Variants in CADM2 observed in about 807,000 individuals in gnomAD.
CADM2 encodes the protein cell adhesion molecule 2, also known as immunoglobulin superfamily member 4D.
CADM2 carries 12 observed loss-of-function variants against 49.8 expected under a neutral mutation model. The ratio of observed to expected loss-of-function variants is 0.24; its 90% CI spans 0.15 to 0.39. CADM2 has a LOEUF of 0.39. Among genes scored for constraint, CADM2 ranks in the 10% least tolerant of loss-of-function variants. The pLI is 1.00. For missense variants in CADM2, 378 were observed against 492.3 expected (o/e 0.77, Z 2.20); for synonymous variants, 214 against 175.4 (o/e 1.22, Z -1.74).
intron 1 of CADM2, among the ~76,000 whole-genome samples, chr3:85,325,570 C>T (rs953094075): frequency 6.6e-6 from 1 of 151,524 alleles, no homozygotes; most frequent in Non-Finnish European, 1.5e-5. Flanking sequence ...ATTAGCCAGG[C>T]GCCCAGCTAC....
chr3:85,115,630 T>G lies in CADM2; in HGVS notation c.61+155962T>G, dbSNP rs111930544. ...AACCTTTCTGAAATTCATTTTTTTC[T>G]TTGGTAAAAATCTAGGATTACAACA... On this transcript the variant is annotated intron_variant, in intron 1 of 9. Coordinates refer to ENST00000383699, the MANE Select transcript of CADM2 (RefSeq NM_001167675.2). Among the ~76,000 whole-genome samples, 1,012 of 152,292 alleles carry G rather than the reference T, an allele frequency of 6.6e-3. 8 individuals are homozygous for G. Among genetic ancestry groups the G allele is most frequent in the African/African-American group, 0.023 (954 of 41,562 alleles).
At chr3:85,449,372 A>G (rs978695701) in intron 1 of CADM2, among the ~76,000 whole-genome samples, 1 of 151,960 alleles carries the variant, frequency 6.6e-6, no homozygotes, top group East Asian at 1.9e-4. Flanking sequence ...TTTAAGTCAA[A>G]TTGCACTTGC....
intron 1 of CADM2, among the ~76,000 whole-genome samples, chr3:85,475,639 T>C (rs1164508199): frequency 6.6e-6 from 1 of 151,940 alleles, no homozygotes; most frequent in Non-Finnish European, 1.5e-5. Context: ...TCTGATTACT[T>C]GATTAAAGAC....
At chr3:85,323,400 C>T (rs899669159) in intron 1 of CADM2, among the ~76,000 whole-genome samples, 1 of 152,112 alleles carries the variant, frequency 6.6e-6, no homozygotes, top group Admixed American at 6.6e-5. Context: ...TGCAACCTGT[C>T]TGAACACTTT....
At chr3:86,053,858 TAATA>T (rs1249608247) in intron 8 of CADM2, among the ~76,000 whole-genome samples, 1 of 152,250 alleles carries the variant, frequency 6.6e-6, no homozygotes, top group East Asian at 1.9e-4. Flanking sequence ...ATAATGCTTT[TAATA>T]AATATGAACT....
chr3:85,373,800 A>G (rs2033422326), intron 1 of CADM2, among the ~76,000 whole-genome samples: 1 of 152,178 alleles, frequency 6.6e-6, no homozygotes. Flanking sequence ...TTGAAGCAAC[A>G]GCCTAAGCTG....
At chr3:85,764,723 T>G in intron 2 of CADM2, among the ~76,000 whole-genome samples, 1 of 152,076 alleles carries the variant, frequency 6.6e-6, no homozygotes, top group East Asian at 1.9e-4. Context: ...TTGTTACTCC[T>G]AAAGAAATTG....
intron 8 of CADM2, among the ~76,000 whole-genome samples, chr3:85,980,705 T>A (rs1381836869): frequency 6.6e-6 from 1 of 151,610 alleles, no homozygotes; most frequent in Non-Finnish European, 1.5e-5. Context: ...TCTACTTTGC[T>A]TTAATTTGTG....
intron 1 of CADM2, among the ~76,000 whole-genome samples, chr3:85,653,124 T>C (rs2065103206): frequency 1.3e-5 from 2 of 151,518 alleles, no homozygotes; most frequent in Admixed American, 1.3e-4. Context: ...GTCTGGGATG[T>C]GCCTGAGATT....
At chr3:85,661,937 TTGTA>T (rs2065421334) in intron 1 of CADM2, among the ~76,000 whole-genome samples, 2 of 152,112 alleles carry the variant, frequency 1.3e-5, no homozygotes, top group African/African-American at 2.4e-5. Context: ...CAAGATGCCA[TTGTA>T]TGTTATTATT....
At chr3:85,102,070 T>A (rs1318442920) in intron 1 of CADM2, among the ~76,000 whole-genome samples, 1 of 152,070 alleles carries the variant, frequency 6.6e-6, no homozygotes, top group African/African-American at 2.4e-5. Flanking sequence ...TTGTAAAAAA[T>A]AAAATAAATA....
At chr3:85,220,015 A>T (rs2042011732) in intron 1 of CADM2, among the ~76,000 whole-genome samples, 1 of 152,166 alleles carries the variant, frequency 6.6e-6, no homozygotes, top group Non-Finnish European at 1.5e-5. Context: ...GATAAAATTA[A>T]AAATTGTGTA....
intron 1 of CADM2, among the ~76,000 whole-genome samples, chr3:85,284,872 C>G (rs1380602863): frequency 1.3e-5 from 2 of 151,914 alleles, no homozygotes; most frequent in East Asian, 3.9e-4. Context: ...TAAAAAAGAT[C>G]TGGCAAGTTG....
At position 84,975,459 on chromosome 3, in the gene CADM2, C is replaced by A. The variant is rs948969282; in HGVS notation, c.61+15791C>A. Among the ~76,000 whole-genome samples, 4 of 151,356 alleles carry A rather than the reference C, an allele frequency of 2.6e-5. No individual in the cohort carries two copies. The East Asian group carries it at 7.8e-4, about 29-fold the overall frequency. On this transcript the variant is annotated intron_variant, in intron 1 of 9. Transcript: ENST00000383699. ...TACGTTTCTTAAGGATTTTGTAATG[C>A]CATCTCTGAAGCATATATTATATAT...
In CADM2 at chr3:85,530,906, ACACACAC is replaced by A. The variant is rs1559890302; in HGVS notation, c.62-195615_62-195609del. On this transcript the variant is annotated intron_variant, in intron 1 of 9. Coordinates refer to ENST00000383699, the MANE Select transcript of CADM2 (RefSeq NM_001167675.2). ...CACACACACACACACACACACACAC[ACACACAC>A]AAAATTCATTATTGTGGAATGTCAG... Among the ~76,000 whole-genome samples, 13 of 136,106 alleles carry A rather than the reference ACACACAC, an allele frequency of 9.6e-5. No individual in the cohort carries two copies. The East Asian group carries it at 1.8e-3, about 18-fold the overall frequency. 89.3% of individuals were successfully genotyped at this position (136,106 alleles called of 152,430 possible).
intron 1 of CADM2, among the ~76,000 whole-genome samples, chr3:85,008,017 TC>T (rs1269718929): frequency 6.6e-6 from 1 of 152,136 alleles, no homozygotes; most frequent in Non-Finnish European, 1.5e-5. Context: ...TCATAAATAT[TC>T]CTATATGCCT....
At chr3:85,781,236 C>T (rs909571558) in intron 2 of CADM2, among the ~76,000 whole-genome samples, 1 of 152,154 alleles carries the variant, frequency 6.6e-6, no homozygotes, top group Non-Finnish European at 1.5e-5. Context: ...GGTTTCCTTT[C>T]CATTCTGTCC....
intron 1 of CADM2, among the ~76,000 whole-genome samples, chr3:85,291,776 C>T (rs1344842793): frequency 6.8e-6 from 1 of 147,492 alleles, no homozygotes; most frequent in South Asian, 2.1e-4. Flanking sequence ...CCTAAAAGAG[C>T]TCCTGAAGGA....
chr3:85,603,274 C>T (rs920456308), intron 1 of CADM2, among the ~76,000 whole-genome samples: 14 of 151,916 alleles, frequency 9.2e-5, no homozygotes, highest in African/African-American at 3.1e-4. Context: ...TTTCTTCTAA[C>T]ATGCCATTGA....
Sources: gnomAD v4.1 joint callset for allele counts (sites outside exome capture counted in the v4.1 genomes callset) on GRCh38, gnomAD v4.1.1 for gene constraint, MANE v1.5 for transcripts, NCBI Gene and HGNC (gene_info 2026-07-23, HGNC 2026-07-21) for gene names.